Variants in TAFA1 observed in about 807,000 individuals in gnomAD.
TAFA1 encodes the protein chemokine-like protein TAFA-1.
TAFA1 carries 4 observed loss-of-function variants against 18.5 expected under a neutral mutation model. That is an observed-to-expected ratio of 0.22 (90% CI 0.11 to 0.49). TAFA1 has a LOEUF of 0.49. TAFA1 is among the 20% of genes least tolerant of loss of function. The pLI, the probability that TAFA1 is intolerant of heterozygous loss-of-function variation, is 0.98. For missense variants in TAFA1, 147 were observed against 169.0 expected (o/e 0.87, Z 0.72); for synonymous variants, 56 against 55.2 (o/e 1.01, Z -0.06).
At chr3:68,169,832 G>A (rs911766449) in intron 2 of TAFA1, among the ~76,000 whole-genome samples, 5 of 152,166 alleles carry the variant, frequency 3.3e-5, no homozygotes, top group Non-Finnish European at 7.3e-5. Context: ...ATTGATGGCT[G>A]GGCAGCTTCA....
At chr3:68,351,654 A>G (rs1028100220) in intron 2 of TAFA1, among the ~76,000 whole-genome samples, 5 of 152,056 alleles carry the variant, frequency 3.3e-5, no homozygotes, top group African/African-American at 4.8e-5. Flanking sequence ...AAGGAAAAGA[A>G]CTTTGAGTCT....
At chr3:68,311,206 G>C (rs1420308587) in intron 2 of TAFA1, among the ~76,000 whole-genome samples, 1 of 152,124 alleles carries the variant, frequency 6.6e-6, no homozygotes, top group Non-Finnish European at 1.5e-5. Context: ...GTCCCACTGG[G>C]TCCCTCCCAT....
chr3:68,190,462 ACCCTTTTAGAGT>A (rs2066323428), intron 2 of TAFA1, among the ~76,000 whole-genome samples: 1 of 151,920 alleles, frequency 6.6e-6, no homozygotes, highest in African/African-American at 2.4e-5. Context: ...TAGGAAAAGT[ACCCTTTTAGAGT>A]CCATCACCTC....
At chr3:68,224,411 T>A (rs2066771034) in intron 2 of TAFA1, among the ~76,000 whole-genome samples, 1 of 152,192 alleles carries the variant, frequency 6.6e-6, no homozygotes, top group African/African-American at 2.4e-5. Context: ...TTAATAAATT[T>A]TAATTCTCTG....
intron 2 of TAFA1, among the ~76,000 whole-genome samples, chr3:68,203,582 A>G (rs186252854): frequency 6.6e-6 from 1 of 151,812 alleles, no homozygotes; most frequent in East Asian, 2.0e-4. Flanking sequence ...ATTGGGTTTC[A>G]GGATTTTAGT....
chr3:68,495,943 A>T (rs2072538429), intron 3 of TAFA1, among the ~76,000 whole-genome samples: 1 of 138,938 alleles, frequency 7.2e-6, no homozygotes, highest in South Asian at 2.4e-4. Flanking sequence ...ATTCTGCAGG[A>T]TTTTCTCACT....
chr3:68,082,217 A>G (rs1336837522), intron 2 of TAFA1, among the ~76,000 whole-genome samples: 1 of 151,874 alleles, frequency 6.6e-6, no homozygotes, highest in East Asian at 1.9e-4. Context: ...ACTGTCTGGC[A>G]CTCCCTAGTG....
intron 2 of TAFA1, among the ~76,000 whole-genome samples, chr3:68,383,279 T>TC (rs2070018210): frequency 9.2e-5 from 1 of 10,902 alleles, no homozygotes; most frequent in African/African-American, 9.9e-5. Context: ...TGAGGGGAAA[T>TC]GTTCCAGCTT....
At position 68,282,437 on chromosome 3, in the gene TAFA1, A is replaced by G. The variant is rs779311452; in HGVS notation, c.119-134843A>G. Among the ~76,000 whole-genome samples the G allele has an allele frequency of 1.3e-4, 20 of 152,190 alleles. 1 individual carries two copies. The South Asian group carries it at 1.7e-3, about 13-fold the overall frequency. Reference sequence around the variant, plus strand: ...ATGTGTCATAAAAAAAAAATCTCTAAGTAACAGTAAAACACAGCCATTTGT... The same window carrying G: ...ATGTGTCATAAAAAAAAAATCTCTAGGTAACAGTAAAACACAGCCATTTGT... On this transcript the variant is annotated intron_variant, in intron 2 of 4. Coordinates refer to ENST00000478136, the MANE Select transcript of TAFA1 (RefSeq NM_213609.4).
At position 68,206,112 on chromosome 3, in the gene TAFA1, A is replaced by G. The variant is rs527262981; in HGVS notation, c.118+199368A>G. Among the ~76,000 whole-genome samples, 134 of 152,036 alleles carry G rather than the reference A, an allele frequency of 8.8e-4. 1 individual carries two copies. The highest frequency in any genetic ancestry group is 3.1e-3 in the African/African-American group (127 of 41,546). ...AAAAACCACAGATTTACACATAAAA[A>G]ACCAGCAGTCTTTGGTGAATGCTAA... is the stretch of plus-strand genomic sequence containing the variant. On this transcript the variant is annotated intron_variant, in intron 2 of 4. Transcript: ENST00000478136.
intron 2 of TAFA1, among the ~76,000 whole-genome samples, chr3:68,332,072 C>A (rs920054344): frequency 6.6e-6 from 1 of 151,566 alleles, no homozygotes; most frequent in Non-Finnish European, 1.5e-5. Flanking sequence ...ACCGTGTTAA[C>A]CCGGATGGTC....
intron 2 of TAFA1, among the ~76,000 whole-genome samples, chr3:68,210,970 CACTTA>C (rs1260368921): frequency 2.0e-5 from 3 of 151,980 alleles, no homozygotes. Context: ...ACAACCCACA[CACTTA>C]ACTTGCAAGG....
chr3:68,219,870 A>C (rs1241911750), intron 2 of TAFA1, among the ~76,000 whole-genome samples: 2 of 152,168 alleles, frequency 1.3e-5, no homozygotes, highest in East Asian at 3.9e-4. Context: ...GATGGGTACC[A>C]AGTTTGTCTC....
chr3:68,463,381 C>T (rs1002244549), intron 3 of TAFA1, among the ~76,000 whole-genome samples: 9 of 152,142 alleles, frequency 5.9e-5, no homozygotes, highest in Non-Finnish European at 1.2e-4. Flanking sequence ...AAACAACTTG[C>T]AACTAAGATG....
intron 2 of TAFA1, among the ~76,000 whole-genome samples, chr3:68,279,148 C>A (rs1575741556): frequency 6.6e-6 from 1 of 152,134 alleles, no homozygotes; most frequent in East Asian, 1.9e-4. Flanking sequence ...TCCTTGACCT[C>A]AAAGTTTCCT....
chr3:68,113,045 G>C (rs2065279474), intron 2 of TAFA1, among the ~76,000 whole-genome samples: 1 of 152,088 alleles, frequency 6.6e-6, no homozygotes, highest in Non-Finnish European at 1.5e-5. Context: ...TTGGCAGGTA[G>C]AATTTTAGAA....
intron 2 of TAFA1, among the ~76,000 whole-genome samples, chr3:68,081,776 G>T (rs2064904039): frequency 6.6e-6 from 1 of 152,196 alleles, no homozygotes; most frequent in Admixed American, 6.5e-5. Context: ...GTTTGTCTTT[G>T]CCCTGCCCCT....
chr3:68,376,606 G>A (rs113739961), intron 2 of TAFA1, among the ~76,000 whole-genome samples: 4,576 of 152,116 alleles, frequency 0.03, 97 homozygotes, highest in East Asian at 0.093. Context: ...TTACAGCTGC[G>A]TAGTATTCCA....
chr3:68,226,713 A>G (rs1441637918), intron 2 of TAFA1, among the ~76,000 whole-genome samples: 2 of 152,208 alleles, frequency 1.3e-5, no homozygotes, highest in Non-Finnish European at 2.9e-5. Context: ...ATGTAGGCAG[A>G]GCATGAATTA....
Sources: allele counts gnomAD v4.1 joint callset (sites outside exome capture counted in the v4.1 genomes callset), GRCh38; gene constraint gnomAD v4.1.1; transcripts MANE v1.5; gene names NCBI Gene and HGNC (gene_info 2026-07-23, HGNC 2026-07-21).